NKAIN2: variants seen among roughly 807,000 people sequenced by gnomAD.
NKAIN2 encodes the protein sodium/potassium-transporting ATPase subunit beta-1-interacting protein 2.
A neutral mutation model predicts 32.6 loss-of-function variants in NKAIN2; 14 were observed. That is an observed-to-expected ratio of 0.43 (90% CI 0.28 to 0.67). The LOEUF (loss-of-function observed/expected upper bound fraction) is 0.67, where lower values mean the gene tolerates loss of function less well. Ranked by LOEUF, NKAIN2 falls within the 30% of genes least tolerant of loss-of-function variation. NKAIN2 has a pLI of 0.17. For synonymous variants in NKAIN2, 80 were observed against 87.2 expected, an observed-to-expected ratio of 0.92 and a Z score of 0.46; for missense variants, 198 against 258.3, an observed-to-expected ratio of 0.77 and a Z score of 1.60.
chr6:124,112,559 C>T (rs1404282376), intron 1 of NKAIN2, among the ~76,000 whole-genome samples: 1 of 151,936 alleles, frequency 6.6e-6, no homozygotes, highest in Non-Finnish European at 1.5e-5. Flanking sequence ...TTGAATTTGT[C>T]TTATTGATGT....
chr6:123,834,329 A>G (rs7452310), intron 1 of NKAIN2, among the ~76,000 whole-genome samples: 1 of 151,266 alleles, frequency 6.6e-6, no homozygotes, highest in Non-Finnish European at 1.5e-5. Context: ...TAATTTTTGT[A>G]TTTTTAGTAG....
At chr6:124,005,286 TA>T (rs1338522482) in intron 1 of NKAIN2, among the ~76,000 whole-genome samples, 1 of 152,138 alleles carries the variant, frequency 6.6e-6, no homozygotes, top group African/African-American at 2.4e-5. Flanking sequence ...AATTCTTATG[TA>T]ATTCAAACAG....
At chr6:124,479,541 C>G (rs1583313264) in intron 3 of NKAIN2, among the ~76,000 whole-genome samples, 1 of 152,130 alleles carries the variant, frequency 6.6e-6, no homozygotes, top group Admixed American at 6.5e-5. Context: ...AGGATTCTGT[C>G]TGTGACAATA....
chr6:124,769,548 T>C (rs1371006115), intron 4 of NKAIN2, among the ~76,000 whole-genome samples: 5 of 152,088 alleles, frequency 3.3e-5, no homozygotes, highest in African/African-American at 9.7e-5. Flanking sequence ...TAGATTAACT[T>C]TGAAAGATTA....
At chr6:124,304,017 A>G (rs1480243394) in intron 2 of NKAIN2, among the ~76,000 whole-genome samples, 1 of 152,214 alleles carries the variant, frequency 6.6e-6, no homozygotes, top group East Asian at 1.9e-4. Context: ...AAGTTTTGGC[A>G]TGGAGATGAT....
At chr6:124,182,277 A>C (rs1247814912) in intron 1 of NKAIN2, among the ~76,000 whole-genome samples, 1 of 152,162 alleles carries the variant, frequency 6.6e-6, no homozygotes, top group African/African-American at 2.4e-5. Context: ...GAATTATGGG[A>C]GCTACAACTC....
chr6:124,569,953 A>C (rs1180486493), intron 3 of NKAIN2, among the ~76,000 whole-genome samples: 4 of 152,332 alleles, frequency 2.6e-5, no homozygotes, highest in Non-Finnish European at 5.9e-5. Context: ...CTTTGCCCAA[A>C]ATGCTGATAG....
intron 1 of NKAIN2, among the ~76,000 whole-genome samples, chr6:124,018,794 C>T (rs1780719177): frequency 6.6e-6 from 1 of 152,176 alleles, no homozygotes; most frequent in South Asian, 2.1e-4. Flanking sequence ...GCCCTCCAAA[C>T]TGTTCCAACC....
At chr6:124,413,799 C>A (rs1774333824) in intron 3 of NKAIN2, among the ~76,000 whole-genome samples, 2 of 152,092 alleles carry the variant, frequency 1.3e-5, no homozygotes. Context: ...TTTGATCATA[C>A]TGGAAATGGT....
intron 1 of NKAIN2, among the ~76,000 whole-genome samples, chr6:123,943,390 C>G (rs1776912684): frequency 6.6e-6 from 1 of 151,898 alleles, no homozygotes; most frequent in Non-Finnish European, 1.5e-5. Context: ...TATCTGACTC[C>G]TTTAGGAAAA....
chr6:124,120,775 A>G (rs1210336628), intron 1 of NKAIN2, among the ~76,000 whole-genome samples: 1 of 152,178 alleles, frequency 6.6e-6, no homozygotes, highest in Non-Finnish European at 1.5e-5. Context: ...CCTTAATACA[A>G]GTAGAAAAGT....
intron 1 of NKAIN2, among the ~76,000 whole-genome samples, chr6:124,235,063 A>G (rs1792674520): frequency 6.6e-6 from 1 of 152,166 alleles, no homozygotes; most frequent in Admixed American, 6.6e-5. Flanking sequence ...GCCAAAGCTT[A>G]AAGGACAGAG....
intron 4 of NKAIN2, among the ~76,000 whole-genome samples, chr6:124,765,555 T>C (rs1391357862): frequency 2.0e-5 from 3 of 152,228 alleles, no homozygotes; most frequent in Admixed American, 6.5e-5. Flanking sequence ...CCAGCCTTTA[T>C]TCCTGCCAAA....
chr6:124,524,209 GCAAA>G (rs66763222), intron 3 of NKAIN2, among the ~76,000 whole-genome samples: 3,775 of 152,128 alleles, frequency 0.025, 56 homozygotes, highest in South Asian at 0.029. Flanking sequence ...TATTTTTCTG[GCAAA>G]CAAACACAAA....
intron 6 of NKAIN2, among the ~76,000 whole-genome samples, chr6:124,821,507 T>C (rs1054263032): frequency 6.6e-6 from 1 of 152,142 alleles, no homozygotes; most frequent in African/African-American, 2.4e-5. Context: ...CAAGCATTTA[T>C]AATTCTAATG....
intron 1 of NKAIN2, among the ~76,000 whole-genome samples, chr6:124,082,085 A>G (rs1053288609): frequency 6.6e-6 from 1 of 151,990 alleles, no homozygotes; most frequent in Non-Finnish European, 1.5e-5. Flanking sequence ...CAGGTAAATA[A>G]CCCAAGCCTA....
chr6:124,798,351 T>C (rs1454791486), intron 5 of NKAIN2, among the ~76,000 whole-genome samples: 1 of 152,190 alleles, frequency 6.6e-6, no homozygotes, highest in Non-Finnish European at 1.5e-5. Flanking sequence ...AACATAATCT[T>C]AGTATCTTAC....
intron 1 of NKAIN2, among the ~76,000 whole-genome samples, chr6:123,979,487 G>T (rs1188740707): frequency 6.6e-6 from 1 of 152,088 alleles, no homozygotes; most frequent in East Asian, 1.9e-4. Flanking sequence ...GTTCCATTAG[G>T]CATTAAATGA....
chr6:124,010,652 A>G (rs909278012), intron 1 of NKAIN2, among the ~76,000 whole-genome samples: 2 of 151,640 alleles, frequency 1.3e-5, no homozygotes, highest in African/African-American at 4.9e-5. Context: ...TAAAATAGAG[A>G]TAATAGTAGT....
Sources: allele counts gnomAD v4.1 joint callset (sites outside exome capture counted in the v4.1 genomes callset), GRCh38; gene constraint gnomAD v4.1.1; transcripts MANE v1.5; gene names NCBI Gene and HGNC (gene_info 2026-07-23, HGNC 2026-07-21).